FAT1: variants seen among roughly 807,000 people sequenced by gnomAD.
FAT1 encodes the protein protocadherin Fat 1.
FAT1 carries 171 observed loss-of-function variants against 329.8 expected under a neutral mutation model. The observed-to-expected ratio is 0.52, with a 90% CI of 0.46 to 0.59. The LOEUF (loss-of-function observed/expected upper bound fraction) is 0.59. FAT1 is among the 20% of genes least tolerant of loss of function. FAT1 has a pLI of 0.00. For synonymous variants in FAT1, 2,233 were observed against 2,228.6 expected (o/e 1.00, Z -0.06); for missense variants, 5,672 against 5,774.4 (o/e 0.98, Z 0.57).
chr4:186,698,041 T>A (rs1196768993), intron 2 of FAT1, among the ~76,000 whole-genome samples: 1 of 152,220 alleles, frequency 6.6e-6, no homozygotes, highest in African/African-American at 2.4e-5. Context: ...CAAATAGGCG[T>A]CCAGGGTGGC....
At chr4:186,595,525 C>G (rs1485437250) in intron 26 of FAT1, among the ~76,000 whole-genome samples, 164 bp downstream of exon 26, 1 of 152,078 alleles carries the variant, frequency 6.6e-6, no homozygotes, top group Non-Finnish European at 1.5e-5. Context: ...GCTATTTTCC[C>G]CAGCAGACAT....
chr4:186,652,424 A>C (rs1038097280), intron 3 of FAT1, among the ~76,000 whole-genome samples: 15 of 152,222 alleles, frequency 9.9e-5, no homozygotes, highest in Non-Finnish European at 1.8e-4. Flanking sequence ...ACAAAGATTC[A>C]AGTTAACCAA....
chr4:186,668,418 C>T (rs1450744199), intron 2 of FAT1, among the ~76,000 whole-genome samples: 1 of 152,178 alleles, frequency 6.6e-6, no homozygotes, highest in African/African-American at 2.4e-5. Flanking sequence ...ACTGGGAACG[C>T]CTTCAAAACC....
intron 3 of FAT1, among the ~76,000 whole-genome samples, chr4:186,655,534 A>G (rs1162681031): frequency 6.6e-6 from 1 of 151,830 alleles, no homozygotes; most frequent in Non-Finnish European, 1.5e-5. Flanking sequence ...TCCTGGGTTC[A>G]AGCTATTCTC....
chr4:186,622,715 G>T (rs1206017238), intron 9 of FAT1, among the ~76,000 whole-genome samples: 1 of 152,160 alleles, frequency 6.6e-6, no homozygotes, highest in African/African-American at 2.4e-5. Flanking sequence ...GTTCTCTACA[G>T]CCCTTTTGGA....
chr4:186,707,522 A>G lies in FAT1; in HGVS notation c.2306T>C (p.Met769Thr), dbSNP rs895753277. ...TAAAATTTTCAGCATTCCTGTTTCC[A>G]TATCAATCATGAAGCAACTATCCTC... Reference protein sequence around the residue: ...GNEDSCFMIDMETGMLKILSP... With the variant: ...GNEDSCFMIDTETGMLKILSP... The change falls in exon 2 of 27, where the codon ATG becomes ACG. Residue 769 changes from methionine to threonine, a missense_variant. This residue lies in a region of FAT1 where 3,966 missense variants were observed against 3,915.2 expected (regional missense o/e 1.01). Transcript: ENST00000441802. 14 of 1,613,888 alleles carry G rather than the reference A, an allele frequency of 8.7e-6. No homozygotes were observed. Among genetic ancestry groups the G allele is most frequent in the African/African-American group, 5.3e-5 (4 of 74,918 alleles).
At chr4:186,649,820 T>C (rs938177653) in intron 3 of FAT1, among the ~76,000 whole-genome samples, 2 of 152,208 alleles carry the variant, frequency 1.3e-5, no homozygotes, top group African/African-American at 4.8e-5. Context: ...TTTATTGAGG[T>C]ATAACTGATA....
chr4:186,666,151 A>G (rs1420379181), intron 2 of FAT1, among the ~76,000 whole-genome samples: 2 of 150,908 alleles, frequency 1.3e-5, no homozygotes, highest in African/African-American at 4.9e-5. Context: ...AAACCTGCAC[A>G]TTGTGCACAT....
At chr4:186,685,700 C>A (rs1397554881) in intron 2 of FAT1, among the ~76,000 whole-genome samples, 4 of 152,184 alleles carry the variant, frequency 2.6e-5, no homozygotes, top group Non-Finnish European at 5.9e-5. Flanking sequence ...AACCAACATA[C>A]ATTTGGTTAC....
intron 1 of FAT1, among the ~76,000 whole-genome samples, chr4:186,718,987 A>G (rs1222141958): frequency 1.3e-5 from 2 of 152,200 alleles, no homozygotes; most frequent in African/African-American, 4.8e-5. Context: ...CTGATCCTTC[A>G]TTCGGTCACA....
chr4:186,674,569 G>A (rs760672849), intron 2 of FAT1, among the ~76,000 whole-genome samples: 15 of 152,258 alleles, frequency 9.9e-5, no homozygotes, highest in African/African-American at 2.4e-4. Context: ...TGGGAGGAGC[G>A]ATGGAACTTA....
Position 186,617,222 on chromosome 4 carries a change from GATA to G in FAT1, c.8879-24_8879-22del, listed in dbSNP as rs770249530. 4.0e-6 allele frequency: 6 copies of G among 1,488,072 alleles called. No individual in the cohort carries two copies. The Admixed American group carries it at 9.0e-5, about 22-fold the overall frequency. 92.2% of individuals were successfully genotyped at this position (1,488,072 alleles called of 1,614,324 possible). A position where few individuals can be genotyped will look rare whatever the true frequency, so the allele number is the denominator to read the frequency against. The stretch of plus-strand genomic sequence containing the variant: ...CCCTCCTATTAAATCAATGGAGGAA[GATA>G]ATAATCAAATTTGTTGAAAGGATAA... On this transcript the variant is annotated intron_variant, in intron 10 of 26. Coordinates refer to ENST00000441802, the MANE Select transcript of FAT1 (RefSeq NM_005245.4).
chr4:186,597,496 A>G (rs1738589191), intron 24 of FAT1, among the ~76,000 whole-genome samples, 186 bp downstream of exon 24: 1 of 152,078 alleles, frequency 6.6e-6, no homozygotes, highest in Non-Finnish European at 1.5e-5. Context: ...TATTATATAT[A>G]CTGTATTCAT....
chr4:186,616,778 G>A (rs143450960), intron 11 of FAT1, among the ~76,000 whole-genome samples: 27 of 152,240 alleles, frequency 1.8e-4, no homozygotes, highest in African/African-American at 6.3e-4. Flanking sequence ...TGCAACTGGA[G>A]TCCTGTCCGT....
intron 16 of FAT1, among the ~76,000 whole-genome samples, chr4:186,606,624 A>G (rs1164392156): frequency 1.3e-5 from 2 of 152,316 alleles, no homozygotes; most frequent in South Asian, 4.1e-4. Context: ...GTAGACAGAC[A>G]TGAGCTGCCT....
At position 186,628,299 on chromosome 4, in the gene FAT1, C is replaced by T. The variant is rs768317004; in HGVS notation, c.4665G>A (p.Thr1555=). ...CGGTGAACCACGGGGCGTGGTCATT[C>T]GTGTCGCTGACATTGACCACAATCC... ...FARIVVNVSD[T]NDHAPWFTAS... Residue 1555 remains threonine (T), a synonymous_variant, in exon 9 of 27, where the codon ACG becomes ACA. Transcript: ENST00000441802. The T allele has an allele frequency of 1.9e-5, 31 of 1,613,474 alleles. No homozygotes were observed. The Admixed American group carries it at 3.2e-4, about 17-fold the overall frequency.
At chr4:186,676,330 C>T (rs994266826) in intron 2 of FAT1, among the ~76,000 whole-genome samples, 7 of 150,112 alleles carry the variant, frequency 4.7e-5, no homozygotes, top group Non-Finnish European at 1.0e-4. Flanking sequence ...AGAAAAATGG[C>T]GAGTTATACG....
rs754991604 is a variant in FAT1 at position 186,618,192 on chromosome 4, T to G, written c.8394A>C (p.Gln2798His). 5 of 1,614,020 alleles carry G rather than the reference T, an allele frequency of 3.1e-6. No homozygotes were observed. The South Asian group carries it at 5.5e-5, about 18-fold the overall frequency. The change falls in exon 10 of 27, where the codon CAA (glutamine) becomes CAC (histidine). Residue 2798 changes from glutamine (Q) to histidine (H), a missense_variant. By Grantham distance (24) the Gln-to-His change is conservative. Transcript: ENST00000441802. ...GGCTGTTGTCATTTGCATCTTTCAC[T>G]TGGATACTAACATCTACAGAAGCCA... is the stretch of plus-strand genomic sequence containing the variant. ...EMVASVDVSI[Q>H]VKDANDNSPV...
At chr4:186,717,905 A>C (rs1308152579) in intron 1 of FAT1, among the ~76,000 whole-genome samples, 2 of 152,110 alleles carry the variant, frequency 1.3e-5, no homozygotes, top group East Asian at 1.9e-4. Flanking sequence ...GCCCAAGGAG[A>C]AGCTCAATGG....
Sources: gnomAD v4.1 joint callset for allele counts (sites outside exome capture counted in the v4.1 genomes callset) on GRCh38, gnomAD v4.1.1 for gene constraint, gnomAD v4.1.1 regional missense constraint, MANE v1.5 for transcripts, NCBI Gene and HGNC (gene_info 2026-07-23, HGNC 2026-07-21) for gene names.